Variants in EEA1 observed in about 807,000 individuals in gnomAD.
The protein encoded by EEA1 is early endosome antigen 1.
EEA1 carries 111 observed loss-of-function variants against 209.2 expected under a neutral mutation model. The ratio of observed to expected loss-of-function variants is 0.53; its 90% CI spans 0.45 to 0.62. EEA1 has a LOEUF of 0.62. Ranked by LOEUF, EEA1 falls within the 20% of genes least tolerant of loss-of-function variation. EEA1 has a pLI of 0.00. For synonymous variants in EEA1, 536 were observed against 540.6 expected (o/e 0.99, Z 0.12); for missense variants, 1,343 against 1,530.8 (o/e 0.88, Z 2.05).
chr12:92,796,277 G>A (rs1411542652), intron 21 of EEA1, among the ~76,000 whole-genome samples: 1 of 152,010 alleles, frequency 6.6e-6, no homozygotes, highest in African/African-American at 2.4e-5. Flanking sequence ...TTAACAGCAT[G>A]CTTTCTTGAT....
At position 92,811,863 on chromosome 12, in the gene EEA1, A is replaced by T. The variant is rs193136243; in HGVS notation, c.2044-429T>A. On this transcript the variant is annotated intron_variant, in intron 16 of 28. Transcript: ENST00000322349. ...CATTTGGAATATCCAGTTGCACAAA[A>T]AAAAAAAAATAAAATAAAAATTACT... is the stretch of plus-strand genomic sequence containing the variant. 2.6e-5 allele frequency among the ~76,000 whole-genome samples: 4 copies of T among 152,132 alleles called. No individual in the cohort carries two copies. The East Asian group carries it at 7.7e-4, about 29-fold the overall frequency.
intron 1 of EEA1, among the ~76,000 whole-genome samples, chr12:92,914,665 A>ATTTTTT (rs1275187896): frequency 7.4e-4 from 104 of 141,034 alleles, no homozygotes; most frequent in African/African-American, 2.6e-3. Context: ...TGTCTCTACA[A>ATTTTTT]TTTTTTTTTT....
At chr12:92,848,972 C>T (rs1290663241) in intron 9 of EEA1, among the ~76,000 whole-genome samples, 1 of 152,062 alleles carries the variant, frequency 6.6e-6, no homozygotes, top group East Asian at 1.9e-4. Flanking sequence ...ATCTGCCTGC[C>T]TCAGCTGCCA....
rs747845075 is a variant in EEA1 at position 92,819,484 on chromosome 12, T to C, written c.1552A>G (p.Ile518Val). The C allele has an allele frequency of 1.2e-6, 2 of 1,606,850 alleles. No homozygotes were observed. Among genetic ancestry groups the C allele is most frequent in the East Asian group, 4.5e-5 (2 of 44,698 alleles). Residue 518 changes from isoleucine to valine, a missense_variant, in exon 14 of 29, where the codon ATT becomes GTT. By Grantham distance (29) the Ile-to-Val change is conservative (BLOSUM62 3). Coordinates refer to ENST00000322349, the MANE Select transcript of EEA1 (RefSeq NM_003566.4). The stretch of plus-strand genomic sequence containing the variant: ...TGGATCTTTTGGTCCTTATCGCCAA[T>C]TTGACGTAGAACTTGTTCCAAATCA... ...QNDLEQVLRQ[I>V]GDKDQKIQNL...
At position 92,809,166 on chromosome 12, in the gene EEA1, A is replaced by C. The variant is rs373280492; in HGVS notation, c.2200-10T>G. On this transcript the variant is annotated splice_polypyrimidine_tract_variant and intron_variant, in intron 17 of 28. Coordinates refer to ENST00000322349, the MANE Select transcript of EEA1 (RefSeq NM_003566.4). ...TATCAGCTTCTAGTTTCTATGAAAGAAATATGATATGGCAGCCATTTTAAT... is the reference window on the plus strand; with the variant it reads ...TATCAGCTTCTAGTTTCTATGAAAGCAATATGATATGGCAGCCATTTTAAT... 2.6e-6 allele frequency: 4 copies of C among 1,546,374 alleles called. No individual in the cohort carries two copies. The highest frequency in any genetic ancestry group is 3.5e-6 in the Non-Finnish European group (4 of 1,149,748).
In EEA1 at chr12:92,774,707, A is replaced by T. The variant is rs1254066583; in HGVS notation, c.*1304T>A. On this transcript the variant is annotated 3_prime_UTR_variant, in exon 29 of 29. Coordinates refer to ENST00000322349, the MANE Select transcript of EEA1 (RefSeq NM_003566.4). ...TATTGTAACTGGGATTCCTAAATACATTTGTTTTTGGTGATACTCTATTTC... is the reference window on the plus strand; with the variant it reads ...TATTGTAACTGGGATTCCTAAATACTTTTGTTTTTGGTGATACTCTATTTC... The T allele has an allele frequency of 2.0e-5, 3 of 151,616 alleles. No homozygotes were observed. The East Asian group carries it at 5.8e-4, about 29-fold the overall frequency. 9.4% of individuals were successfully genotyped at this position (151,616 alleles called of 1,614,324 possible). A position where few individuals can be genotyped will look rare whatever the true frequency, so the allele number is the denominator to read the frequency against.
chr12:92,848,728 T>C (rs1237356710), intron 9 of EEA1, among the ~76,000 whole-genome samples: 4 of 127,774 alleles, frequency 3.1e-5, no homozygotes, highest in Non-Finnish European at 6.6e-5. Flanking sequence ...TCACCTTTTT[T>C]TTTTTTTTTT....
chr12:92,882,353 C>T (rs1256025430), intron 2 of EEA1, among the ~76,000 whole-genome samples: 6 of 151,984 alleles, frequency 3.9e-5, no homozygotes, highest in African/African-American at 1.5e-4. Context: ...GGTGATCTGC[C>T]CGCCTCGGCC....
chr12:92,775,958 T>C lies in EEA1; in HGVS notation c.*53A>G. ...TAGTCCAAGACCTCTATTAAGTACA[T>C]TTATTAAAAATCTAATGTTAGTGTA... On this transcript the variant is annotated 3_prime_UTR_variant, in exon 29 of 29. Transcript: ENST00000322349. 6.3e-7 allele frequency: 1 copy of C among 1,585,740 alleles called. No homozygotes were observed. The highest frequency in any genetic ancestry group is 1.4e-5 in the African/African-American group (1 of 74,000).
At position 92,834,546 on chromosome 12, in the gene EEA1, T is replaced by TAAAA. The variant is rs5800089; in HGVS notation, c.916-1700_916-1697dup. Among the ~76,000 whole-genome samples the TAAAA allele has an allele frequency of 3.6e-3, 263 of 73,610 alleles. 1 individual carries two copies. The highest frequency in any genetic ancestry group is 0.01 in the Middle Eastern group (1 of 100). 48.3% of individuals were successfully genotyped at this position (73,610 alleles called of 152,430 possible). ...GGCAACAAGGGCAAGACCCTGTCAC[T>TAAAA]AAAAAAAAAAAAAAAAAAAAAAAGA... On this transcript the variant is annotated intron_variant, in intron 10 of 28. Transcript: ENST00000322349.
rs566486295 is a variant in EEA1 at position 92,781,486 on chromosome 12, G to A, written c.3336+464C>T. Among the ~76,000 whole-genome samples, 17 of 152,212 alleles carry A rather than the reference G, an allele frequency of 1.1e-4. No homozygotes were observed. In the East Asian group the frequency reaches 2.7e-3, roughly 24 times the overall value. On this transcript the variant is annotated intron_variant, in intron 23 of 28. Transcript: ENST00000322349. ...CAGAATTTAAAGTGATTTTTAAAAT[G>A]TACTGGTCATATATTAGTAAACCAA...
rs1261290909 is a variant in EEA1 at position 92,787,911 on chromosome 12, A to G, written c.3106T>C (p.Tyr1036His). The G allele has an allele frequency of 1.2e-6, 2 of 1,612,518 alleles. No homozygotes were observed. The highest frequency in any genetic ancestry group is 2.2e-5 in the South Asian group (2 of 90,872). ...ETFKQLQSDF[Y>H]GRESELLATR... is the part of the protein sequence containing the mutation. The stretch of plus-strand genomic sequence containing the variant: ...GCTAGAAGTTCAGATTCCCTCCCAT[A>G]GAAATCAGATTGAAGCTGTTTGAAA... Residue 1036 changes from tyrosine (Y) to histidine (H), a missense_variant, in exon 22 of 29, where the codon TAT becomes CAT. Around this residue, in one of 3 missense-constraint regions of EEA1, gnomAD observed 1,307 missense variants for 1,465.5 expected, o/e 0.89. Coordinates refer to ENST00000322349, the MANE Select transcript of EEA1 (RefSeq NM_003566.4).
In EEA1 at chr12:92,773,824, A is replaced by C. The variant is rs1022691137; in HGVS notation, c.*2187T>G. On this transcript the variant is annotated 3_prime_UTR_variant, in exon 29 of 29. Transcript: ENST00000322349. ...AATGTTCGGTTTCATTTATATTATC[A>C]GTATAGTAGCCTATGGTAGGTAAAT... 1 of 151,644 alleles carries C rather than the reference A, an allele frequency of 6.6e-6. No individual in the cohort carries two copies. Among genetic ancestry groups the C allele is most frequent in the African/African-American group, 2.4e-5 (1 of 41,402 alleles). The allele number at this position is 151,644 out of a possible 1,614,324, so 9.4% of individuals were successfully genotyped here.
intron 18 of EEA1, among the ~76,000 whole-genome samples, chr12:92,805,656 T>C (rs1439810384): frequency 1.3e-5 from 2 of 152,204 alleles, no homozygotes; most frequent in African/African-American, 4.8e-5. Flanking sequence ...GATGTGTTCA[T>C]TGAAGATCTC....
intron 3 of EEA1, chr12:92,858,503 C>T (rs771925869): frequency 1.3e-4 from 115 of 901,392 alleles, no homozygotes; most frequent in Middle Eastern, 2.3e-4. Flanking sequence ...TGTTTGGCTA[C>T]GCCACTGATG....
At chr12:92,779,922 T>C (rs1592697866) in intron 24 of EEA1, among the ~76,000 whole-genome samples, 1 of 152,114 alleles carries the variant, frequency 6.6e-6, no homozygotes. Flanking sequence ...AGAAAAATAA[T>C]TGAATAAACA....
chr12:92,816,086 C>A, intron 15 of EEA1, 114 bp downstream of exon 15: 2 of 943,578 alleles, frequency 2.1e-6, no homozygotes, highest in Non-Finnish European at 3.1e-6. Flanking sequence ...TTATCTAATT[C>A]TTATTTCAAA....
chr12:92,827,156 G>A (rs1414037727), intron 12 of EEA1, among the ~76,000 whole-genome samples: 1 of 152,000 alleles, frequency 6.6e-6, no homozygotes. Context: ...AGGAGTTCAA[G>A]ACCAGCCTGG....
At chr12:92,839,235 A>T (rs1477637502) in intron 10 of EEA1, among the ~76,000 whole-genome samples, 1 of 152,216 alleles carries the variant, frequency 6.6e-6, no homozygotes, top group Non-Finnish European at 1.5e-5. Flanking sequence ...TTTCCACATG[A>T]CTAATGCATG....
Sources: gnomAD v4.1 joint callset for allele counts (sites outside exome capture counted in the v4.1 genomes callset) on GRCh38, gnomAD v4.1.1 for gene constraint, gnomAD v4.1.1 regional missense constraint, MANE v1.5 for transcripts, NCBI Gene and HGNC (gene_info 2026-07-23, HGNC 2026-07-21) for gene names.